The following MAD1L1 variants were observed in gnomAD, a reference collection of about 807,000 sequenced individuals.
MAD1L1 encodes the protein mitotic spindle assembly checkpoint protein MAD1.
Under a neutral mutation model 96.9 loss-of-function variants are expected in MAD1L1, and 95 were observed. That is an observed-to-expected ratio of 0.98 (90% CI 0.83 to 1.16). The LOEUF (loss-of-function observed/expected upper bound fraction) is 1.16. Among genes scored for constraint, MAD1L1 ranks in the 50% most tolerant of loss-of-function variants. The pLI is 0.00. For synonymous variants in MAD1L1, 473 were observed against 396.6 expected, an observed-to-expected ratio of 1.19 and a Z score of -2.29; for missense variants, 1,007 against 954.4, an observed-to-expected ratio of 1.06 and a Z score of -0.73.
At chr7:1,907,875 G>A (rs1396701721) in intron 17 of MAD1L1, among the ~76,000 whole-genome samples, 1 of 152,200 alleles carries the variant, frequency 6.6e-6, no homozygotes, top group African/African-American at 2.4e-5. Context: ...GTGCGGTCTG[G>A]GCCGCAAGGA....
At chr7:2,077,097 C>G (rs1474340064) in intron 11 of MAD1L1, among the ~76,000 whole-genome samples, 2 of 138,472 alleles carry the variant, frequency 1.4e-5, no homozygotes, top group South Asian at 4.4e-4. Context: ...TTGGTGAGCC[C>G]GCGGCATGGT....
intron 18 of MAD1L1, among the ~76,000 whole-genome samples, chr7:1,816,551 C>T (rs1293723168): frequency 1.1e-4 from 17 of 152,268 alleles, no homozygotes; most frequent in Admixed American, 1.1e-3. Flanking sequence ...CTGTGCCAGG[C>T]CCTAGTGCCA....
intron 18 of MAD1L1, among the ~76,000 whole-genome samples, chr7:1,839,559 G>T (rs886320430): frequency 2.6e-5 from 4 of 152,232 alleles, no homozygotes; most frequent in African/African-American, 9.6e-5. Context: ...TGGAGAACTG[G>T]ACGCAGATCC....
intron 16 of MAD1L1, among the ~76,000 whole-genome samples, chr7:1,943,602 T>A (rs1348952714): frequency 1.3e-5 from 2 of 151,818 alleles, no homozygotes; most frequent in African/African-American, 4.8e-5. Flanking sequence ...GGCTGGGAAG[T>A]CACGCAACAA....
At chr7:2,033,095 G>A (rs965003547) in intron 12 of MAD1L1, among the ~76,000 whole-genome samples, 4 of 152,352 alleles carry the variant, frequency 2.6e-5, no homozygotes, top group East Asian at 3.9e-4. Flanking sequence ...GCAGAACTCC[G>A]AGAGCTCACG....
intron 10 of MAD1L1, among the ~76,000 whole-genome samples, chr7:2,172,985 C>G (rs1281334207): frequency 6.6e-6 from 1 of 152,256 alleles, no homozygotes; most frequent in African/African-American, 2.4e-5. Flanking sequence ...TAGCATGCCC[C>G]TGGCATTCCC....
At chr7:1,937,011 G>C (rs921575636) in intron 16 of MAD1L1, 114 bp from the exon 17 acceptor site, 2 of 786,142 alleles carry the variant, frequency 2.5e-6, no homozygotes, top group African/African-American at 1.7e-5. Flanking sequence ...GTCACACACA[G>C]CACAGTGCTC....
At chr7:2,051,716 C>T (rs1161491457) in intron 12 of MAD1L1, among the ~76,000 whole-genome samples, 11 of 136,772 alleles carry the variant, frequency 8.0e-5, no homozygotes, top group Admixed American at 2.9e-4. Flanking sequence ...CCACCAGCTG[C>T]GCTGTGCCTA....
chr7:2,149,048 G>T (rs1371852141), intron 11 of MAD1L1, 104 bp downstream of exon 11: 1 of 986,116 alleles, frequency 1.0e-6, no homozygotes. Context: ...ACCACATGAT[G>T]AAGGACAGCC....
chr7:1,989,514 T>G (rs1781308570), intron 14 of MAD1L1, among the ~76,000 whole-genome samples: 1 of 152,360 alleles, frequency 6.6e-6, no homozygotes, highest in South Asian at 2.1e-4. Context: ...GGGAGCCGCC[T>G]CACCCTGGAA....
chr7:1,906,338 C>T (rs1271066744), intron 17 of MAD1L1, among the ~76,000 whole-genome samples: 2 of 152,220 alleles, frequency 1.3e-5, no homozygotes, highest in Non-Finnish European at 2.9e-5. Context: ...GCTCCCACAG[C>T]AAGACTTGAG....
chr7:2,004,283 G>C (rs187190342), intron 13 of MAD1L1, among the ~76,000 whole-genome samples: 2 of 152,266 alleles, frequency 1.3e-5, no homozygotes, highest in African/African-American at 4.8e-5. Context: ...AGCTGGCCTG[G>C]GCAGCGAGAT....
In MAD1L1 at chr7:1,828,684, C is replaced by T. The variant is rs561782718; in HGVS notation, c.1999-12456G>A. 3.4e-4 allele frequency among the ~76,000 whole-genome samples: 52 copies of T among 152,188 alleles called. No homozygotes were observed. In the South Asian group the frequency reaches 0.01, roughly 30 times the overall value. ...GAACTGTGTCTCCGAACAGAGCTCA[C>T]GAATATTTATAGGAACACACACACA... On this transcript the variant is annotated intron_variant, in intron 18 of 18. Coordinates refer to ENST00000265854, the MANE Select transcript of MAD1L1 (RefSeq NM_001013836.2).
chr7:2,049,067 G>C (rs1784055852), intron 12 of MAD1L1, among the ~76,000 whole-genome samples: 1 of 152,200 alleles, frequency 6.6e-6, no homozygotes, highest in African/African-American at 2.4e-5. Context: ...ACATATATTT[G>C]AACATTACAA....
intron 12 of MAD1L1, among the ~76,000 whole-genome samples, chr7:2,016,961 G>C (rs921018073): frequency 6.6e-6 from 1 of 152,258 alleles, no homozygotes; most frequent in African/African-American, 2.4e-5. Context: ...GGCCGGGGCG[G>C]GGGACTTCCC....
At chr7:1,882,588 T>G (rs1019120118) in intron 18 of MAD1L1, among the ~76,000 whole-genome samples, 1 of 152,182 alleles carries the variant, frequency 6.6e-6, no homozygotes, top group Non-Finnish European at 1.5e-5. Flanking sequence ...GCAACACCCG[T>G]GGCCACAGGG....
chr7:1,822,334 AAT>A, intron 18 of MAD1L1, among the ~76,000 whole-genome samples: 1 of 152,068 alleles, frequency 6.6e-6, no homozygotes, highest in Admixed American at 6.5e-5. Flanking sequence ...TGTTTGTATA[AAT>A]AGATACAATG....
intron 10 of MAD1L1, among the ~76,000 whole-genome samples, chr7:2,160,158 G>A (rs559740905): frequency 3.3e-5 from 5 of 151,578 alleles, no homozygotes; most frequent in Non-Finnish European, 5.9e-5. Context: ...TTGAGCCTGG[G>A]AGGCAGAGGC....
In MAD1L1 at chr7:2,230,031, T is replaced by G; in HGVS notation, c.103A>C (p.Thr35Pro). ...VEGGSGLDIS[T>P]SAPGSLQMQY... is the part of the protein sequence containing the mutation. Reference sequence around the variant, plus strand: ...ATCTGCAGAGAACCTGGGGCCGAGGTAGAAATATCCAGTCCAGAGCCTCCC... The same window carrying G: ...ATCTGCAGAGAACCTGGGGCCGAGGGAGAAATATCCAGTCCAGAGCCTCCC... The change falls in exon 3 of 19, where the codon ACC (threonine) becomes CCC (proline). Residue 35 changes from threonine to proline, a missense_variant. Coordinates refer to ENST00000265854, the MANE Select transcript of MAD1L1 (RefSeq NM_001013836.2). 6.2e-7 allele frequency: 1 copy of G among 1,613,624 alleles called. No individual in the cohort carries two copies. Among genetic ancestry groups the G allele is most frequent in the Non-Finnish European group, 8.5e-7 (1 of 1,179,980 alleles).
Sources: gnomAD v4.1 joint callset for allele counts (sites outside exome capture counted in the v4.1 genomes callset) on GRCh38, gnomAD v4.1.1 for gene constraint, MANE v1.5 for transcripts, NCBI Gene and HGNC (gene_info 2026-07-23, HGNC 2026-07-21) for gene names.